The following SYN3 variants were observed in gnomAD, a reference collection of about 807,000 sequenced individuals.
SYN3 encodes synapsin III.
Under a neutral mutation model 65.8 loss-of-function variants are expected in SYN3, and 35 were observed. The observed-to-expected ratio is 0.53, with a 90% CI of 0.41 to 0.70. The LOEUF is 0.70. Among genes scored for constraint, SYN3 ranks in the 30% least tolerant of loss-of-function variants. SYN3 has a pLI of 0.00. For missense variants in SYN3, 680 were observed against 749.0 expected, an observed-to-expected ratio of 0.91 and a Z score of 1.08; for synonymous variants, 270 against 292.9, an observed-to-expected ratio of 0.92 and a Z score of 0.80.
intron 6 of SYN3, among the ~76,000 whole-genome samples, chr22:32,695,110 T>C (rs999563674): frequency 2.0e-5 from 3 of 152,014 alleles, no homozygotes; most frequent in Non-Finnish European, 4.4e-5. Context: ...TTTTCTTTTA[T>C]AATATCTTTG....
chr22:32,839,969 A>T (rs2047846110), intron 6 of SYN3, among the ~76,000 whole-genome samples: 1 of 151,900 alleles, frequency 6.6e-6, no homozygotes. Flanking sequence ...AGGTGAGGAG[A>T]GCCAGGAGCT....
chr22:32,850,571 G>C (rs1380019515), intron 6 of SYN3, among the ~76,000 whole-genome samples: 1 of 152,172 alleles, frequency 6.6e-6, no homozygotes, highest in African/African-American at 2.4e-5. Context: ...GGCCGTGAGG[G>C]AGATACAGTT....
chr22:33,030,877 A>G (rs532946990), intron 1 of SYN3, among the ~76,000 whole-genome samples: 3 of 152,320 alleles, frequency 2.0e-5, no homozygotes, highest in African/African-American at 7.2e-5. Flanking sequence ...ATAGAGACAA[A>G]TAGACACAGA....
At chr22:32,536,111 A>T (rs887441772) in intron 9 of SYN3, among the ~76,000 whole-genome samples, 1 of 152,168 alleles carries the variant, frequency 6.6e-6, no homozygotes, top group Non-Finnish European at 1.5e-5. Flanking sequence ...CCTGCTGGGG[A>T]CATCTGTGAG....
intron 1 of SYN3, among the ~76,000 whole-genome samples, chr22:33,025,024 GC>G (rs2145873774): frequency 6.6e-6 from 1 of 152,210 alleles, no homozygotes; most frequent in African/African-American, 2.4e-5. Context: ...CTCCTTTCTG[GC>G]CCCATTTTGT....
At chr22:33,024,272 G>C (rs1239265607) in intron 1 of SYN3, among the ~76,000 whole-genome samples, 1 of 152,140 alleles carries the variant, frequency 6.6e-6, no homozygotes, top group East Asian at 1.9e-4. Flanking sequence ...TTCCATCACA[G>C]ACCTATGGCT....
intron 4 of SYN3, among the ~76,000 whole-genome samples, chr22:32,883,415 C>T (rs1400554225): frequency 2.0e-5 from 3 of 152,162 alleles, no homozygotes. Flanking sequence ...CTGGGTTTTA[C>T]CCACTGTGTC....
chr22:32,824,505 C>T (rs576785476), intron 6 of SYN3, among the ~76,000 whole-genome samples: 8 of 152,010 alleles, frequency 5.3e-5, no homozygotes, highest in Non-Finnish European at 1.2e-4. Context: ...CTGGAGCTCA[C>T]TGAAGAATCA....
chr22:32,943,661 TAA>T (rs1172732777), intron 3 of SYN3, among the ~76,000 whole-genome samples: 2 of 152,122 alleles, frequency 1.3e-5, no homozygotes, highest in Non-Finnish European at 2.9e-5. Context: ...GCAAATTGGA[TAA>T]AGAGTCAAGA....
intron 2 of SYN3, among the ~76,000 whole-genome samples, chr22:32,988,861 CTGGGT>C (rs754832113): frequency 3.3e-5 from 5 of 152,010 alleles, no homozygotes; most frequent in Admixed American, 6.6e-5. Context: ...ATGAATGTTC[CTGGGT>C]GTGTCCTTTA....
intron 6 of SYN3, among the ~76,000 whole-genome samples, chr22:32,712,508 T>G (rs751751222): frequency 2.5e-4 from 38 of 152,238 alleles, no homozygotes; most frequent in Middle Eastern, 3.4e-3. Flanking sequence ...CAAAGAAAAT[T>G]TGCTGCAGCA....
intron 4 of SYN3, among the ~76,000 whole-genome samples, chr22:32,929,896 G>C (rs1327538095): frequency 6.6e-6 from 1 of 151,948 alleles, no homozygotes; most frequent in African/African-American, 2.4e-5. Context: ...TACCTGTCTG[G>C]GTTTTCATTT....
chr22:33,028,673 GTGGTGGTGGTGGTGGTGA>G (rs1169447939), intron 1 of SYN3, among the ~76,000 whole-genome samples: 4,552 of 113,250 alleles, frequency 0.04, 138 homozygotes, highest in Admixed American at 0.07. Flanking sequence ...GGTGGTGGTG[GTGGTGGTGGTGGTGGTGA>G]TGGTGGTGGT....
intron 6 of SYN3, among the ~76,000 whole-genome samples, chr22:32,646,701 G>A (rs750093076): frequency 6.6e-6 from 1 of 152,212 alleles, no homozygotes; most frequent in Non-Finnish European, 1.5e-5. Context: ...TCGGGTTTGA[G>A]TCAAGGATTG....
In SYN3 at chr22:32,904,172, A is replaced by C. The variant is rs139240972; in HGVS notation, c.461+27218T>G. 3.5e-3 allele frequency among the ~76,000 whole-genome samples: 536 copies of C among 152,270 alleles called. 4 individuals carry two copies. Among genetic ancestry groups the C allele is most frequent in the African/African-American group, 0.012 (510 of 41,544 alleles). On this transcript the variant is annotated intron_variant, in intron 4 of 13. Coordinates refer to ENST00000358763, the MANE Select transcript of SYN3 (RefSeq NM_003490.4). ...TTTGGCCAAGCTTGTTTCCTTTTCC[A>C]CCTGGGTATCCCCATCTGGACTACA...
chr22:32,928,329 C>CA (rs927075609), intron 4 of SYN3, among the ~76,000 whole-genome samples: 18 of 142,708 alleles, frequency 1.3e-4, no homozygotes, highest in African/African-American at 2.6e-4. Context: ...GACTCCGTCT[C>CA]AAAAAAAAAA....
intron 6 of SYN3, among the ~76,000 whole-genome samples, chr22:32,770,769 T>C (rs1302606523): frequency 6.6e-6 from 1 of 151,040 alleles, no homozygotes; most frequent in East Asian, 1.9e-4. Context: ...GTAAGGTAAC[T>C]ATAGCAAGAG....
intron 2 of SYN3, among the ~76,000 whole-genome samples, chr22:32,998,041 A>AG (rs1223745836): frequency 6.6e-6 from 1 of 151,454 alleles, no homozygotes; most frequent in Non-Finnish European, 1.5e-5. Context: ...AAAAAAAAAA[A>AG]AAGAATGCCA....
In SYN3 at chr22:32,622,654, G is replaced by A. The variant is rs181770782; in HGVS notation, c.712-25918C>T. 4.5e-3 allele frequency among the ~76,000 whole-genome samples: 660 copies of A among 147,930 alleles called. 5 individuals are homozygous for A. The highest frequency in any genetic ancestry group is 0.016 in the South Asian group (76 of 4,618). On this transcript the variant is annotated intron_variant, in intron 6 of 13. Coordinates refer to ENST00000358763, the MANE Select transcript of SYN3 (RefSeq NM_003490.4). ...CTGGGAGGGGCTTCCAGATTAGCAA[G>A]TCCAAAAGACTCTGACCCTGGGTTC...
Sources: allele counts gnomAD v4.1 joint callset (sites outside exome capture counted in the v4.1 genomes callset), GRCh38; gene constraint gnomAD v4.1.1; transcripts MANE v1.5; gene names NCBI Gene and HGNC (gene_info 2026-07-23, HGNC 2026-07-21).